Variants in WDR72 observed in about 807,000 individuals in gnomAD.
WDR72 encodes the protein WD repeat domain 72, also known as WD repeat-containing protein 72.
In WDR72, 120 loss-of-function variants were observed where a neutral mutation model predicts 124.2. The observed-to-expected ratio is 0.97, with a 90% CI of 0.83 to 1.12. WDR72 has a LOEUF of 1.12. WDR72 is among the 50% of genes most tolerant of loss of function. WDR72 has a pLI of 0.00. For synonymous variants in WDR72, 452 were observed against 441.7 expected, an observed-to-expected ratio of 1.02 and a Z score of -0.29; for missense variants, 1,387 against 1,278.8, an observed-to-expected ratio of 1.08 and a Z score of -1.29.
intron 1 of WDR72, among the ~76,000 whole-genome samples, chr15:53,735,821 A>C (rs998839132): frequency 2.0e-5 from 3 of 152,074 alleles, no homozygotes; most frequent in Non-Finnish European, 4.4e-5. Flanking sequence ...CAAATATAAT[A>C]AATTATTATA....
At chr15:53,599,974 T>C (rs557842994) in intron 17 of WDR72, among the ~76,000 whole-genome samples, 1 of 152,186 alleles carries the variant, frequency 6.6e-6, no homozygotes, top group South Asian at 2.1e-4. Context: ...AGATTAACCA[T>C]GATGAGTAGG....
At chr15:53,720,025 C>T (rs2017829150) in intron 3 of WDR72, among the ~76,000 whole-genome samples, 1 of 152,002 alleles carries the variant, frequency 6.6e-6, no homozygotes, top group Non-Finnish European at 1.5e-5. Flanking sequence ...GATTAGTATA[C>T]ATATGATAAT....
At chr15:53,540,491 G>A (rs1476838709) in intron 18 of WDR72, among the ~76,000 whole-genome samples, 1 of 148,048 alleles carries the variant, frequency 6.8e-6, no homozygotes, top group East Asian at 2.0e-4. Flanking sequence ...AGCTCAAAAG[G>A]GAAATTCAAT....
chr15:53,633,164 G>A (rs1295952063), intron 14 of WDR72, among the ~76,000 whole-genome samples: 1 of 152,186 alleles, frequency 6.6e-6, no homozygotes, highest in African/African-American at 2.4e-5. Context: ...TGGGCCTAGT[G>A]GAAACTGATT....
chr15:53,642,240 T>C (rs541591620), intron 14 of WDR72, among the ~76,000 whole-genome samples: 18 of 152,124 alleles, frequency 1.2e-4, no homozygotes, highest in African/African-American at 3.9e-4. Context: ...TATATTAGCA[T>C]ATAGTCCCAA....
intron 13 of WDR72, among the ~76,000 whole-genome samples, chr15:53,697,432 G>T (rs1157549185): frequency 6.6e-6 from 1 of 152,138 alleles, no homozygotes; most frequent in Non-Finnish European, 1.5e-5. Flanking sequence ...CTCCATCTCT[G>T]GCAGGAGCTG....
chr15:53,528,106 G>A (rs528823831), intron 18 of WDR72, among the ~76,000 whole-genome samples: 1 of 152,140 alleles, frequency 6.6e-6, no homozygotes, highest in Non-Finnish European at 1.5e-5. Flanking sequence ...AAGATGTTAA[G>A]TGGTAACACT....
At chr15:53,569,869 C>T (rs538797206) in intron 18 of WDR72, among the ~76,000 whole-genome samples, 1 of 152,058 alleles carries the variant, frequency 6.6e-6, no homozygotes, top group South Asian at 2.1e-4. Context: ...ATCATAAAAA[C>T]AATGAACTAT....
chr15:53,682,675 G>C (rs114482244), intron 13 of WDR72, among the ~76,000 whole-genome samples: 1 of 152,024 alleles, frequency 6.6e-6, no homozygotes, highest in Non-Finnish European at 1.5e-5. Context: ...GGCAAAATAC[G>C]GCCAGACTCC....
chr15:53,624,850 A>T (rs1472090039), intron 14 of WDR72, among the ~76,000 whole-genome samples: 1 of 152,234 alleles, frequency 6.6e-6, no homozygotes, highest in Non-Finnish European at 1.5e-5. Flanking sequence ...CCTTGAAAAC[A>T]TAATGACTAT....
rs62005937 is a variant in WDR72 at position 53,613,532 on chromosome 15, T to C, written c.2872+134A>G. The stretch of plus-strand genomic sequence containing the variant: ...GCCTAAAGCCACACAGCTAGTGTAA[T>C]CACAAACATAGGTAAAATCTATGTT... On this transcript the variant is annotated intron_variant, in intron 16 of 19. Coordinates refer to ENST00000360509, the MANE Select transcript of WDR72 (RefSeq NM_182758.4). 0.44 allele frequency: 294,518 copies of C among 665,822 alleles called. 67,378 individuals are homozygous for C. Among genetic ancestry groups the C allele is most frequent in the Middle Eastern group, 0.55 (1,529 of 2,776 alleles). The allele number at this position is 665,822 out of a possible 1,614,324, so 41.2% of individuals were successfully genotyped here.
intron 14 of WDR72, among the ~76,000 whole-genome samples, chr15:53,661,525 A>T (rs1239605077): frequency 4.6e-5 from 7 of 152,220 alleles, no homozygotes; most frequent in Admixed American, 3.9e-4. Context: ...TTCAACACTG[A>T]GGAACAAATT....
chr15:53,695,150 C>A (rs1468514666), intron 13 of WDR72, among the ~76,000 whole-genome samples: 1 of 152,152 alleles, frequency 6.6e-6, no homozygotes, highest in East Asian at 1.9e-4. Context: ...GTTTCATTGT[C>A]CCACACAAAA....
chr15:53,690,669 T>G (rs998575572), intron 13 of WDR72, among the ~76,000 whole-genome samples: 3 of 152,250 alleles, frequency 2.0e-5, no homozygotes, highest in Non-Finnish European at 4.4e-5. Context: ...TATGATTTGT[T>G]AGATTAACAG....
At chr15:53,727,648 A>T (rs75243279) in intron 2 of WDR72, among the ~76,000 whole-genome samples, 3 of 152,152 alleles carry the variant, frequency 2.0e-5, no homozygotes, top group African/African-American at 7.2e-5. Context: ...ATCCCTTTCC[A>T]GTCTATTAGA....
chr15:53,712,003 C>T (rs144167866), intron 7 of WDR72, among the ~76,000 whole-genome samples: 1,532 of 152,180 alleles, frequency 0.01, 27 homozygotes, highest in African/African-American at 0.035. Flanking sequence ...TGTCAGCGAA[C>T]ATATTCACAA....
At chr15:53,710,512 T>C (rs372831503) in intron 9 of WDR72, among the ~76,000 whole-genome samples, 1 of 152,122 alleles carries the variant, frequency 6.6e-6, no homozygotes, top group Non-Finnish European at 1.5e-5. Context: ...CCAATCAAAA[T>C]AGGTAAATAC....
At chr15:53,591,687 C>A (rs953791387) in intron 18 of WDR72, among the ~76,000 whole-genome samples, 6 of 2,224 alleles carry the variant, frequency 2.7e-3, no homozygotes, top group Non-Finnish European at 5.8e-3. Context: ...ACACACACAA[C>A]ACACACACAC....
chr15:53,555,677 A>C (rs1162885472), intron 18 of WDR72, among the ~76,000 whole-genome samples: 3 of 152,132 alleles, frequency 2.0e-5, no homozygotes, highest in South Asian at 2.1e-4. Context: ...TAATTCAATT[A>C]AATTAAAATG....
Sources: allele counts gnomAD v4.1 joint callset (sites outside exome capture counted in the v4.1 genomes callset), GRCh38; gene constraint gnomAD v4.1.1; transcripts MANE v1.5; gene names NCBI Gene and HGNC (gene_info 2026-07-23, HGNC 2026-07-21).